Variants in PCDH9 observed in about 807,000 individuals in gnomAD.
PCDH9 encodes protocadherin-9.
In PCDH9, 24 loss-of-function variants were observed where a neutral mutation model predicts 70.6. The observed-to-expected ratio is 0.34, with a 90% CI of 0.25 to 0.48. PCDH9 has a LOEUF of 0.48. Ranked by LOEUF, PCDH9 falls within the 20% of genes least tolerant of loss-of-function variation. The pLI is 0.99. For synonymous variants in PCDH9, 562 were observed against 558.5 expected (o/e 1.01, Z -0.09); for missense variants, 1,281 against 1,503.6 (o/e 0.85, Z 2.45).
intron 4 of PCDH9, among the ~76,000 whole-genome samples, chr13:66,611,069 T>C (rs2077288510): frequency 6.6e-6 from 1 of 152,176 alleles, no homozygotes; most frequent in South Asian, 2.1e-4. Flanking sequence ...TTCAGTAGAA[T>C]GTTCAGGCAC....
chr13:66,544,829 A>T (rs1004429465), intron 4 of PCDH9, among the ~76,000 whole-genome samples: 6 of 152,136 alleles, frequency 3.9e-5, no homozygotes, highest in African/African-American at 1.2e-4. Flanking sequence ...TAACAATTAG[A>T]GCAGCTAGGG....
intron 3 of PCDH9, among the ~76,000 whole-genome samples, chr13:66,691,439 T>C (rs568530903): frequency 3.9e-5 from 6 of 152,214 alleles, no homozygotes; most frequent in Admixed American, 2.0e-4. Flanking sequence ...TAAAGTATGC[T>C]AATAAACAAC....
rs554418453 is a variant in PCDH9 at position 66,446,131 on chromosome 13, T to G, written c.3341-141103A>C. 7.2e-5 allele frequency among the ~76,000 whole-genome samples: 11 copies of G among 152,160 alleles called. 3 individuals carry two copies. Among genetic ancestry groups the G allele is most frequent in the African/African-American group, 2.6e-4 (11 of 41,560 alleles). On this transcript the variant is annotated intron_variant, in intron 4 of 4. Coordinates refer to ENST00000377865, the MANE Select transcript of PCDH9 (RefSeq NM_203487.3). ...TCAGGGTTTATATGTGATGTGTGTA[T>G]GTATGTATTTGTGTGTATGTGCTTC...
chr13:67,108,810 A>G (rs1054840828), intron 2 of PCDH9, among the ~76,000 whole-genome samples: 2 of 152,248 alleles, frequency 1.3e-5, no homozygotes, highest in Non-Finnish European at 1.5e-5. Flanking sequence ...TTATACTGCA[A>G]TGAATGCATA....
At position 66,903,527 on chromosome 13, in the gene PCDH9, C is replaced by T; in HGVS notation, c.3115G>A (p.Glu1039Lys). Reference protein sequence around the residue: ...CPSSTGFHIQENEESHYESQR... With the variant: ...CPSSTGFHIQKNEESHYESQR... ...ACCTCGTAATGGCTTTCTTCATTCTCCTGAATGTGGAAACCCGTGGAGCTG... is the reference window on the plus strand; with the variant it reads ...ACCTCGTAATGGCTTTCTTCATTCTTCTGAATGTGGAAACCCGTGGAGCTG... The change falls in exon 3 of 5, where the codon GAG becomes AAG. Residue 1039 changes from glutamate to lysine, a missense_variant. By Grantham distance (56) the Glu-to-Lys change is moderately conservative. Around this residue, in one of 4 missense-constraint regions of PCDH9, gnomAD observed 264 missense variants for 278.8 expected, o/e 0.95. Coordinates refer to ENST00000377865, the MANE Select transcript of PCDH9 (RefSeq NM_203487.3). 6.5e-7 allele frequency: 1 copy of T among 1,543,074 alleles called. No homozygotes were observed. The highest frequency in any genetic ancestry group is 9.0e-7 in the Non-Finnish European group (1 of 1,116,808).
intron 3 of PCDH9, among the ~76,000 whole-genome samples, chr13:66,762,099 G>T (rs2139252278): frequency 6.6e-6 from 1 of 152,210 alleles, no homozygotes; most frequent in Middle Eastern, 3.4e-3. Context: ...GACTCCTGTA[G>T]ACTTTTCAGT....
At chr13:66,363,253 ACTT>A (rs1260311784) in intron 4 of PCDH9, among the ~76,000 whole-genome samples, 1 of 152,078 alleles carries the variant, frequency 6.6e-6, no homozygotes, top group Non-Finnish European at 1.5e-5. Flanking sequence ...GACTAAACAA[ACTT>A]CTTTCAGATT....
intron 3 of PCDH9, among the ~76,000 whole-genome samples, chr13:66,684,956 G>A (rs554558247): frequency 1.3e-5 from 2 of 151,976 alleles, no homozygotes; most frequent in African/African-American, 2.4e-5. Flanking sequence ...CGAGATGGAG[G>A]TAGTGTTAAA....
chr13:66,740,110 T>G (rs2079234281), intron 3 of PCDH9, among the ~76,000 whole-genome samples: 1 of 147,138 alleles, frequency 6.8e-6, no homozygotes, highest in African/African-American at 2.5e-5. Flanking sequence ...CCTCAGCAAA[T>G]GTAAAAGAAC....
chr13:66,742,655 CAA>C (rs2079285361), intron 3 of PCDH9, among the ~76,000 whole-genome samples: 1 of 118,490 alleles, frequency 8.4e-6, no homozygotes, highest in Admixed American at 9.1e-5. Context: ...AAGAAAAAAA[CAA>C]ACAACCCCAT....
intron 3 of PCDH9, among the ~76,000 whole-genome samples, chr13:66,894,250 A>G (rs1422687200): frequency 6.6e-6 from 1 of 152,130 alleles, no homozygotes; most frequent in Non-Finnish European, 1.5e-5. Flanking sequence ...TATGCACCAT[A>G]CACCTACATT....
intron 2 of PCDH9, among the ~76,000 whole-genome samples, chr13:67,116,158 G>A (rs957666021): frequency 6.6e-6 from 1 of 152,256 alleles, no homozygotes; most frequent in East Asian, 1.9e-4. Context: ...ACTTTGAGAT[G>A]AGTAAACGAG....
intron 2 of PCDH9, among the ~76,000 whole-genome samples, chr13:67,185,859 A>G (rs550872267): frequency 1.8e-4 from 28 of 152,112 alleles, no homozygotes; most frequent in Non-Finnish European, 4.0e-4. Flanking sequence ...CGGCCTCCCA[A>G]GTAGCTGGGA....
At chr13:67,120,431 G>A (rs2086855244) in intron 2 of PCDH9, among the ~76,000 whole-genome samples, 1 of 152,032 alleles carries the variant, frequency 6.6e-6, no homozygotes, top group South Asian at 2.1e-4. Flanking sequence ...AGAAATCAAT[G>A]TTTAATTCCT....
intron 2 of PCDH9, chr13:67,201,798 G>A (rs2089219694): frequency 6.6e-6 from 1 of 151,868 alleles, no homozygotes; most frequent in Admixed American, 6.6e-5. Context: ...TTTGTGTAGT[G>A]CCTAAGTATC....
chr13:66,399,225 A>C (rs772931080), intron 4 of PCDH9, among the ~76,000 whole-genome samples: 1 of 152,122 alleles, frequency 6.6e-6, no homozygotes, highest in African/African-American at 2.4e-5. Context: ...CTCCTGAGTA[A>C]TTAGCCTGGG....
intron 3 of PCDH9, among the ~76,000 whole-genome samples, chr13:66,850,887 C>T (rs1278273652): frequency 6.6e-6 from 1 of 152,180 alleles, no homozygotes; most frequent in Non-Finnish European, 1.5e-5. Flanking sequence ...TCCTGTTCTT[C>T]TCAAGTTATA....
intron 2 of PCDH9, among the ~76,000 whole-genome samples, chr13:67,170,439 A>G (rs1223827549): frequency 6.6e-6 from 1 of 152,200 alleles, no homozygotes; most frequent in Non-Finnish European, 1.5e-5. Context: ...GATTATTTCT[A>G]TATCAGATAA....
chr13:66,925,000 AC>A (rs2082695055), intron 2 of PCDH9, among the ~76,000 whole-genome samples: 1 of 151,886 alleles, frequency 6.6e-6, no homozygotes, highest in Non-Finnish European at 1.5e-5. Context: ...TTTATAAAAA[AC>A]ATGGAAGATC....
Sources: gnomAD v4.1 joint callset for allele counts (sites outside exome capture counted in the v4.1 genomes callset) on GRCh38, gnomAD v4.1.1 for gene constraint, gnomAD v4.1.1 regional missense constraint, MANE v1.5 for transcripts, NCBI Gene and HGNC (gene_info 2026-07-23, HGNC 2026-07-21) for gene names.